Variants in TBC1D24 observed in about 807,000 individuals in gnomAD.
TBC1D24 encodes the protein TBC1 domain family member 24.
TBC1D24 carries 47 observed loss-of-function variants against 50.7 expected under a neutral mutation model. That is an observed-to-expected ratio of 0.93 (90% CI 0.73 to 1.18). The LOEUF (loss-of-function observed/expected upper bound fraction) is 1.18. Among genes scored for constraint, TBC1D24 ranks in the 50% most tolerant of loss-of-function variants. TBC1D24 has a pLI of 0.00. For missense variants in TBC1D24, 688 were observed against 766.5 expected, an observed-to-expected ratio of 0.90 and a Z score of 1.21; for synonymous variants, 324 against 335.2, an observed-to-expected ratio of 0.97 and a Z score of 0.36.
At chr16:2,478,364 G>A (rs2141851022) in intron 1 of TBC1D24, 1 of 152,546 alleles carries the variant, frequency 6.6e-6, no homozygotes, top group Non-Finnish European at 1.5e-5. Flanking sequence ...AAGAGCCAGG[G>A]AGGAAGGAGG....
intron 1 of TBC1D24, among the ~76,000 whole-genome samples, chr16:2,489,052 A>AGAGT (rs2065674898): frequency 6.7e-6 from 1 of 149,576 alleles, no homozygotes; most frequent in Non-Finnish European, 1.5e-5. Context: ...CTTGGGTGAC[A>AGAGT]GAGTGAGACT....
In TBC1D24 at chr16:2,503,238, T is replaced by A. The variant is rs1418927321; in HGVS notation, c.*2280T>A. The A allele has an allele frequency of 6.6e-6, 1 of 152,262 alleles. No homozygotes were observed. The highest frequency in any genetic ancestry group is 1.5e-5 in the Non-Finnish European group (1 of 68,038). 9.4% of individuals were successfully genotyped at this position (152,262 alleles called of 1,614,324 possible). The stretch of plus-strand genomic sequence containing the variant: ...CGAAGTTCTTTGTTTTTTGTGTGCA[T>A]GCAAAATATTGTTTCTTTAAATTTA... On this transcript the variant is annotated 3_prime_UTR_variant, in exon 8 of 8. Transcript: ENST00000646147.
intron 1 of TBC1D24, among the ~76,000 whole-genome samples, chr16:2,491,665 C>T (rs1003643416): frequency 1.3e-5 from 2 of 152,168 alleles, no homozygotes; most frequent in African/African-American, 2.4e-5. Context: ...AGCGATTCTC[C>T]TGCCTCAGCC....
intron 1 of TBC1D24, among the ~76,000 whole-genome samples, chr16:2,489,847 A>G (rs1334851089): frequency 6.6e-6 from 1 of 152,170 alleles, no homozygotes; most frequent in Non-Finnish European, 1.5e-5. Flanking sequence ...AGTGCTTTCT[A>G]TCAACAGGCT....
intron 1 of TBC1D24, chr16:2,481,836 A>G (rs561726861): frequency 6.6e-6 from 1 of 152,418 alleles, no homozygotes; most frequent in South Asian, 2.1e-4. Context: ...ACTTCCAACC[A>G]TCACAGGCAG....
chr16:2,493,055 T>C (rs1178103009), intron 1 of TBC1D24, among the ~76,000 whole-genome samples: 4 of 151,860 alleles, frequency 2.6e-5, no homozygotes, highest in Non-Finnish European at 4.4e-5. Context: ...ATTACGCCAC[T>C]GCACTCCAGC....
rs1235939231 is a variant in TBC1D24, at chr16:2,499,744, C to T, written c.1207-91C>T. ...GAGACGGCAATGCCTGCACCCCCACCTGTGACCTGGGACAGGCCCGTCAGT... is the reference window on the plus strand; with the variant it reads ...GAGACGGCAATGCCTGCACCCCCACTTGTGACCTGGGACAGGCCCGTCAGT... On this transcript the variant is annotated intron_variant, in intron 5 of 7. Coordinates refer to ENST00000646147, the MANE Select transcript of TBC1D24 (RefSeq NM_001199107.2). This position sits in a 1 kb window ranked among gnomAD's most constrained non-coding sequence, Gnocchi z 4.0. The T allele has an allele frequency of 3.4e-6, 4 of 1,167,958 alleles. No individual in the cohort carries two copies. The Admixed American group carries it at 5.1e-5, about 15-fold the overall frequency. 72.3% of individuals were successfully genotyped at this position (1,167,958 alleles called of 1,614,324 possible). A position where few individuals can be genotyped will look rare whatever the true frequency, so the allele number is the denominator to read the frequency against.
At chr16:2,495,241 C>A (rs1277457913) in intron 1 of TBC1D24, among the ~76,000 whole-genome samples, 1 of 152,072 alleles carries the variant, frequency 6.6e-6, no homozygotes, top group East Asian at 1.9e-4. Flanking sequence ...GTAGTCTCAG[C>A]TATAGCTGAG....
intron 1 of TBC1D24, chr16:2,477,143 C>T (rs577925607): frequency 2.0e-5 from 3 of 152,370 alleles, no homozygotes; most frequent in Non-Finnish European, 2.9e-5. Context: ...TCCTTTTCAA[C>T]TCAAAGCAGC....
At position 2,504,414 on chromosome 16, in the gene TBC1D24, CTTTTTTTTTTTTTT is replaced by C. The variant is rs901354911; in HGVS notation, c.*3465_*3478del. The C allele has an allele frequency of 3.2e-5, 4 of 125,686 alleles. No individual in the cohort carries two copies. The highest frequency in any genetic ancestry group is 1.3e-4 in the African/African-American group (4 of 29,950). The allele number at this position is 125,686 out of a possible 1,614,324, so 7.8% of individuals were successfully genotyped here. A position where few individuals can be genotyped will look rare whatever the true frequency, so the allele number is the denominator to read the frequency against. On this transcript the variant is annotated 3_prime_UTR_variant, in exon 8 of 8. Transcript: ENST00000646147. The stretch of plus-strand genomic sequence containing the variant: ...AACCACAGGCCTATTGAGATTGTCC[CTTTTTTTTTTTTTT>C]TTTTTTTTGAGACAGAGTCTCGCTC...
intron 4 of TBC1D24, 58 bp downstream of exon 4, chr16:2,498,454 A>T: frequency 6.6e-7 from 1 of 1,516,150 alleles, no homozygotes; most frequent in Non-Finnish European, 8.9e-7. Context: ...TGTCCTGCCC[A>T]CAGAGGCTGG....
chr16:2,498,765 C>T (rs966701281), intron 4 of TBC1D24, among the ~76,000 whole-genome samples: 2 of 152,230 alleles, frequency 1.3e-5, no homozygotes, highest in Admixed American at 1.3e-4. Flanking sequence ...GCATGCTGCC[C>T]TCCAGGGTGG....
At position 2,497,012 on chromosome 16, in the gene TBC1D24, A is replaced by G. The variant is rs777237669; in HGVS notation, c.864A>G (p.Lys288=). The part of the protein sequence containing the change: ...KTVSPEKLLE[K]AFAIRLFSRK... ...TGTCCCCTGAGAAGCTGCTGGAGAA[A>G]GCGTTCGCCATCCGCCTCTTCTCCC... is the stretch of plus-strand genomic sequence containing the variant. Residue 288 remains lysine, a synonymous_variant, in exon 2 of 8, where the codon AAA becomes AAG. Transcript: ENST00000646147. The G allele has an allele frequency of 2.5e-5, 41 of 1,613,726 alleles. No homozygotes were observed. Among genetic ancestry groups the G allele is most frequent in the Non-Finnish European group, 3.2e-5 (38 of 1,180,046 alleles).
At chr16:2,491,680 A>C (rs1262836313) in intron 1 of TBC1D24, among the ~76,000 whole-genome samples, 1 of 149,752 alleles carries the variant, frequency 6.7e-6, no homozygotes, top group Non-Finnish European at 1.5e-5. Context: ...TCAGCCTCCC[A>C]CGTAGCTGGG....
rs904301134 is a variant in TBC1D24, at chr16:2,502,704, G to A, written c.*1746G>A. On this transcript the variant is annotated 3_prime_UTR_variant, in exon 8 of 8. Coordinates refer to ENST00000646147, the MANE Select transcript of TBC1D24 (RefSeq NM_001199107.2). Reference sequence around the variant, plus strand: ...CACAGGACTGTTGAGAGGCTCGCAGGGGGATGGGGTGAATCCCTCTCACGG... The same window carrying A: ...CACAGGACTGTTGAGAGGCTCGCAGAGGGATGGGGTGAATCCCTCTCACGG... The A allele has an allele frequency of 6.5e-6, 1 of 152,856 alleles. No individual in the cohort carries two copies. Among genetic ancestry groups the A allele is most frequent in the African/African-American group, 2.4e-5 (1 of 41,454 alleles). 9.5% of individuals were successfully genotyped at this position (152,856 alleles called of 1,614,324 possible).
At chr16:2,494,126 G>A (rs2065717989) in intron 1 of TBC1D24, among the ~76,000 whole-genome samples, 1 of 152,164 alleles carries the variant, frequency 6.6e-6, no homozygotes. Context: ...AAGAGAACTG[G>A]GAACGGGCTG....
At chr16:2,488,327 G>T (rs2141861380) in intron 1 of TBC1D24, among the ~76,000 whole-genome samples, 1 of 152,174 alleles carries the variant, frequency 6.6e-6, no homozygotes, top group Admixed American at 6.5e-5. Flanking sequence ...GCGGGGTGGG[G>T]GTCTGCAAGC....
rs1176999149 is a variant in TBC1D24 at position 2,500,000 on chromosome 16, C to A, written c.1302+70C>A. ...GCTGCATCCCTCCAGGAGCACCCGC[C>A]TGCCCTGGGGACACTGTTGGGTGTC... On this transcript the variant is annotated intron_variant, in intron 6 of 7. Coordinates refer to ENST00000646147, the MANE Select transcript of TBC1D24 (RefSeq NM_001199107.2). This position sits in a 1 kb window ranked among gnomAD's most constrained non-coding sequence, Gnocchi z 4.0. The A allele has an allele frequency of 1.4e-6, 2 of 1,402,470 alleles. No individual in the cohort carries two copies. The highest frequency in any genetic ancestry group is 1.2e-5 in the South Asian group (1 of 86,840). 86.9% of individuals were successfully genotyped at this position (1,402,470 alleles called of 1,614,324 possible).
Position 2,485,461 on chromosome 16 carries a change from G to C in TBC1D24, c.-116+10291G>C, listed in dbSNP as rs932199781. 1 of 152,224 alleles carries C rather than the reference G, an allele frequency of 6.6e-6. No individual in the cohort carries two copies. The highest frequency in any genetic ancestry group is 2.4e-5 in the African/African-American group (1 of 41,440). 9.4% of individuals were successfully genotyped at this position (152,224 alleles called of 1,614,324 possible). A position where few individuals can be genotyped will look rare whatever the true frequency, so the allele number is the denominator to read the frequency against. ...TCCCTCTCCCGTACCTCACCCTAAA[G>C]GTCTCTTCATCTGTGTCCTTTGTAA... On this transcript the variant is annotated intron_variant, in intron 1 of 7. Coordinates refer to ENST00000646147, the MANE Select transcript of TBC1D24 (RefSeq NM_001199107.2). The surrounding 1 kb of genome is among the most constrained non-coding windows in gnomAD (Gnocchi z 4.6).
Sources: gnomAD v4.1 joint callset for allele counts (sites outside exome capture counted in the v4.1 genomes callset) on GRCh38, gnomAD v4.1.1 for gene constraint, Gnocchi (gnomAD v3.1) non-coding constraint, MANE v1.5 for transcripts, NCBI Gene and HGNC (gene_info 2026-07-23, HGNC 2026-07-21) for gene names.